Variants in AFF1 observed in about 807,000 individuals in gnomAD.
AFF1 encodes the protein ALF transcription elongation factor 1.
In AFF1, 48 loss-of-function variants were observed where a neutral mutation model predicts 121.7. The ratio of observed to expected loss-of-function variants is 0.39; its 90% CI spans 0.31 to 0.50. The LOEUF (loss-of-function observed/expected upper bound fraction) is 0.50. AFF1 is among the 20% of genes least tolerant of loss of function. The pLI is 0.76. For missense variants in AFF1, 1,523 were observed against 1,511.7 expected, an observed-to-expected ratio of 1.01 and a Z score of -0.12; for synonymous variants, 613 against 563.0, an observed-to-expected ratio of 1.09 and a Z score of -1.26.
At chr4:87,103,795 G>A (rs1188370931) in intron 8 of AFF1, among the ~76,000 whole-genome samples, 2 of 152,212 alleles carry the variant, frequency 1.3e-5, no homozygotes, top group Admixed American at 1.3e-4. Flanking sequence ...AGGAAATGTG[G>A]TTGGATTACA....
intron 2 of AFF1, among the ~76,000 whole-genome samples, chr4:86,956,491 A>G (rs186178314): frequency 6.6e-5 from 10 of 152,350 alleles, no homozygotes; most frequent in African/African-American, 1.9e-4. Context: ...TTTTAAGTAT[A>G]CAGTTTAATT....
rs777596374 is a variant in AFF1, at chr4:86,948,587, A to G, written c.38+16A>G. The stretch of plus-strand genomic sequence containing the variant: ...GTGGCAACAGGTAAGCATAGAATCT[A>G]TGATTCAAAGACATGCTGATATTTA... On this transcript the variant is annotated intron_variant, in intron 2 of 20. Transcript: ENST00000395146. The G allele has an allele frequency of 8.5e-6, 13 of 1,533,868 alleles. No homozygotes were observed. The highest frequency in any genetic ancestry group is 8.4e-5 in the South Asian group (7 of 83,740).
intron 10 of AFF1, among the ~76,000 whole-genome samples, chr4:87,106,243 C>T (rs754716350): frequency 1.2e-4 from 19 of 152,136 alleles, no homozygotes; most frequent in Non-Finnish European, 1.8e-4. Context: ...ATTAGCCAGG[C>T]ATGGTGGCGC....
At chr4:87,080,753 G>A (rs1723081116) in intron 4 of AFF1, among the ~76,000 whole-genome samples, 1 of 152,236 alleles carries the variant, frequency 6.6e-6, no homozygotes, top group Non-Finnish European at 1.5e-5. Context: ...GAGGTGCCAA[G>A]TTGCACTTTA....
chr4:87,022,820 C>T (rs964987864), intron 2 of AFF1, among the ~76,000 whole-genome samples: 9 of 150,820 alleles, frequency 6.0e-5, no homozygotes, highest in East Asian at 3.9e-4. Context: ...CACACACACA[C>T]GAATGTTAGC....
intron 2 of AFF1, among the ~76,000 whole-genome samples, chr4:86,966,161 C>T (rs145726275): frequency 6.6e-6 from 1 of 151,692 alleles, no homozygotes; most frequent in Non-Finnish European, 1.5e-5. Context: ...ATCTTACCCA[C>T]ACACATACCC....
intron 8 of AFF1, 76 bp from the exon 9 acceptor site, chr4:87,105,552 T>G: frequency 1.3e-6 from 2 of 1,538,376 alleles, no homozygotes; most frequent in Non-Finnish European, 1.8e-6. Flanking sequence ...ATTAGGCATA[T>G]TTTCTATTTA....
Position 87,134,530 on chromosome 4 carries a change from C to G in AFF1, c.3371C>G (p.Ser1124Cys). The change falls in exon 20 of 21, where the codon TCC (serine) becomes TGC (cysteine). Residue 1124 changes from serine to cysteine, a missense_variant. This residue lies in a region of AFF1 where 241 missense variants were observed against 265.2 expected (regional missense o/e 0.91). Coordinates refer to ENST00000395146, the MANE Select transcript of AFF1 (RefSeq NM_001166693.3). ...PMPSPASSVGSQSSAGSVGSS... is the reference protein window; with the variant it reads ...PMPSPASSVGCQSSAGSVGSS... ...CCTTCTCCTGCCAGCTCCGTAGGGT[C>G]CCAGTCAAGTGCTGGCAGTGTGGGG... is the stretch of plus-strand genomic sequence containing the variant. The G allele has an allele frequency of 6.2e-7, 1 of 1,613,814 alleles. No individual in the cohort carries two copies.
At chr4:87,084,832 G>A (rs1208754275) in intron 5 of AFF1, among the ~76,000 whole-genome samples, 1 of 152,140 alleles carries the variant, frequency 6.6e-6, no homozygotes, top group Non-Finnish European at 1.5e-5. Context: ...AGGCCCAGGA[G>A]AGTTGCTCAC....
chr4:87,120,803 A>G (rs942258527), intron 12 of AFF1, among the ~76,000 whole-genome samples: 17 of 152,238 alleles, frequency 1.1e-4, no homozygotes, highest in Admixed American at 1.0e-3. Flanking sequence ...ACATCTTTCC[A>G]TCTGCTAGAA....
At chr4:86,955,016 A>G (rs1447215709) in intron 2 of AFF1, among the ~76,000 whole-genome samples, 1 of 152,202 alleles carries the variant, frequency 6.6e-6, no homozygotes, top group Non-Finnish European at 1.5e-5. Context: ...CTCATAGTCT[A>G]AGATGATAAT....
At chr4:87,058,801 T>C (rs570624116) in intron 4 of AFF1, among the ~76,000 whole-genome samples, 6 of 152,190 alleles carry the variant, frequency 3.9e-5, no homozygotes, top group African/African-American at 1.4e-4. Flanking sequence ...CTGCTTCCTC[T>C]CCTCCCCTCC....
rs144664884 is a variant in AFF1, at chr4:87,114,891, C to G, written c.2058C>G (p.Pro686=). The G allele has an allele frequency of 1.6e-5, 26 of 1,612,752 alleles. No homozygotes were observed. Among genetic ancestry groups the G allele is most frequent in the Middle Eastern group, 1.6e-4 (1 of 6,070 alleles). The part of the protein sequence containing the change: ...KKKHKSSLPA[P]SKALSGPEPA... ...AGCACAAGAGCTCCCTCCCTGCCCC[C>G]TCTAAGGCTCTCTCAGGCCCAGAAC... is the stretch of plus-strand genomic sequence containing the variant. Residue 686 remains proline (P), a synonymous_variant, in exon 12 of 21, where the codon CCC becomes CCG. Coordinates refer to ENST00000395146, the MANE Select transcript of AFF1 (RefSeq NM_001166693.3).
chr4:87,052,832 T>A (rs1045447913), intron 4 of AFF1, among the ~76,000 whole-genome samples: 2 of 151,494 alleles, frequency 1.3e-5, no homozygotes, highest in Non-Finnish European at 2.9e-5. Flanking sequence ...TAGGGCTCTG[T>A]GATTGACAGG....
At chr4:86,969,984 T>C (rs1027171308) in intron 2 of AFF1, among the ~76,000 whole-genome samples, 1 of 151,374 alleles carries the variant, frequency 6.6e-6, no homozygotes, top group African/African-American at 2.4e-5. Context: ...TTTTTGTGGG[T>C]AGGAAGCTAG....
intron 4 of AFF1, chr4:87,049,773 G>C (rs1224054506): frequency 8.8e-6 from 4 of 456,114 alleles, no homozygotes; most frequent in African/African-American, 6.0e-5. Context: ...GTGAGTGGGA[G>C]GATGGAACTG....
chr4:87,018,947 A>T (rs977004663), intron 2 of AFF1, among the ~76,000 whole-genome samples: 5 of 152,238 alleles, frequency 3.3e-5, no homozygotes, highest in Non-Finnish European at 1.5e-5. Context: ...TACAGTTATA[A>T]GGAAGTGAAG....
intron 16 of AFF1, 129 bp downstream of exon 16, chr4:87,127,832 C>T (rs1728446448): frequency 1.6e-5 from 15 of 925,116 alleles, no homozygotes; most frequent in East Asian, 5.2e-5. Context: ...GTGCAGCAGG[C>T]GCAGGAGAAA....
At chr4:87,113,874 A>C (rs1008690020) in intron 11 of AFF1, among the ~76,000 whole-genome samples, 1 of 152,156 alleles carries the variant, frequency 6.6e-6, no homozygotes, top group African/African-American at 2.4e-5. Context: ...ACACACAAAA[A>C]AGAGAAATGA....
Sources: allele counts gnomAD v4.1 joint callset (sites outside exome capture counted in the v4.1 genomes callset), GRCh38; gene constraint gnomAD v4.1.1; regional missense constraint gnomAD v4.1.1; transcripts MANE v1.5; gene names NCBI Gene and HGNC (gene_info 2026-07-23, HGNC 2026-07-21).